The following NFIA variants were observed in gnomAD, a reference collection of about 807,000 sequenced individuals.
The protein encoded by NFIA is nuclear factor I A.
NFIA carries 8 observed loss-of-function variants against 62.8 expected under a neutral mutation model. The ratio of observed to expected loss-of-function variants is 0.13; its 90% CI spans 0.07 to 0.23. The LOEUF is 0.23. NFIA is among the 10% of genes least tolerant of loss of function. NFIA has a pLI of 1.00. For synonymous variants in NFIA, 235 were observed against 238.1 expected (o/e 0.99, Z 0.12); for missense variants, 410 against 642.1 (o/e 0.64, Z 3.91).
At chr1:61,118,702 GTGTGTGTA>G (rs980003524) in intron 2 of NFIA, among the ~76,000 whole-genome samples, 1 of 94,742 alleles carries the variant, frequency 1.1e-5, no homozygotes, top group Non-Finnish European at 2.4e-5. Context: ...GTGTGTGTGT[GTGTGTGTA>G]CCAGAGACTG....
At chr1:61,327,349 C>G (rs570750848) in intron 3 of NFIA, among the ~76,000 whole-genome samples, 18 of 151,748 alleles carry the variant, frequency 1.2e-4, no homozygotes, top group Non-Finnish European at 2.5e-4. Context: ...CAGTGCATCC[C>G]TCACCCAAGT....
chr1:61,309,124 C>T (rs763282523), intron 3 of NFIA, among the ~76,000 whole-genome samples: 1 of 152,164 alleles, frequency 6.6e-6, no homozygotes, highest in Non-Finnish European at 1.5e-5. Context: ...TCCAATTTTC[C>T]TTACAAAGCC....
chr1:61,408,193 A>G (rs889946318), intron 9 of NFIA, among the ~76,000 whole-genome samples: 1 of 152,174 alleles, frequency 6.6e-6, no homozygotes, highest in East Asian at 1.9e-4. Context: ...GGGAAGACCT[A>G]CTTCTCTTGG....
At chr1:61,340,904 AT>A (rs950723128) in intron 4 of NFIA, among the ~76,000 whole-genome samples, 1 of 151,690 alleles carries the variant, frequency 6.6e-6, no homozygotes, top group African/African-American at 2.4e-5. Context: ...TTTTCCTCAA[AT>A]TTTCAGCCAG....
intron 10 of NFIA, among the ~76,000 whole-genome samples, chr1:61,451,302 C>T (rs931682723): frequency 6.6e-6 from 1 of 152,142 alleles, no homozygotes; most frequent in Non-Finnish European, 1.5e-5. Flanking sequence ...GGGAAAAAGT[C>T]GTGCTGCAAT....
At position 61,282,957 on chromosome 1, in the gene NFIA, C is replaced by T. The variant is rs532489517; in HGVS notation, c.625+5372C>T. On this transcript the variant is annotated intron_variant, in intron 3 of 10. Transcript: ENST00000403491. ...CACATATGTTGGTGGCATCAACCCT[C>T]AGATGGGTCTTTGCAATCAGTGGAA... Among the ~76,000 whole-genome samples, 20 of 152,316 alleles carry T rather than the reference C, an allele frequency of 1.3e-4. No individual in the cohort carries two copies. The East Asian group carries it at 3.7e-3, about 28-fold the overall frequency.
intron 3 of NFIA, among the ~76,000 whole-genome samples, chr1:61,288,855 C>T (rs951405450): frequency 6.6e-6 from 1 of 152,164 alleles, no homozygotes; most frequent in Non-Finnish European, 1.5e-5. Flanking sequence ...GCAGCCTCAA[C>T]CTCCCAGGCT....
At chr1:61,414,656 A>T (rs1666273490) in intron 9 of NFIA, among the ~76,000 whole-genome samples, 1 of 152,072 alleles carries the variant, frequency 6.6e-6, no homozygotes, top group Admixed American at 6.5e-5. Flanking sequence ...ATTAGCAGGT[A>T]AAGGAAGAGA....
chr1:61,111,013 G>T (rs1313868465), intron 2 of NFIA, among the ~76,000 whole-genome samples: 1 of 152,020 alleles, frequency 6.6e-6, no homozygotes. Context: ...AAAATAAGTA[G>T]AGGCTCTCTG....
chr1:61,368,273 C>G (rs1459163074), intron 6 of NFIA, among the ~76,000 whole-genome samples: 1 of 152,156 alleles, frequency 6.6e-6, no homozygotes, highest in East Asian at 1.9e-4. Context: ...CTGTCACCAT[C>G]CTCAGTACAG....
chr1:61,224,477 C>G (rs2100621669), intron 2 of NFIA, among the ~76,000 whole-genome samples: 1 of 152,130 alleles, frequency 6.6e-6, no homozygotes, highest in East Asian at 1.9e-4. Context: ...TCATGCAACC[C>G]CCATTAACCT....
At chr1:61,168,270 G>A (rs1376299275) in intron 2 of NFIA, among the ~76,000 whole-genome samples, 1 of 152,128 alleles carries the variant, frequency 6.6e-6, no homozygotes, top group Non-Finnish European at 1.5e-5. Context: ...GGAAGTGCAA[G>A]CATTGACTTA....
At chr1:61,169,448 T>C (rs1331142056) in intron 2 of NFIA, among the ~76,000 whole-genome samples, 2 of 152,224 alleles carry the variant, frequency 1.3e-5, no homozygotes, top group Non-Finnish European at 2.9e-5. Context: ...TGTCATTCAA[T>C]CTGCATTTAA....
At chr1:61,200,880 C>T (rs1464365922) in intron 2 of NFIA, among the ~76,000 whole-genome samples, 1 of 152,174 alleles carries the variant, frequency 6.6e-6, no homozygotes, top group Non-Finnish European at 1.5e-5. Flanking sequence ...TAAGTGGCTT[C>T]TGTTATGGCT....
At chr1:61,294,788 G>A (rs1309659661) in intron 3 of NFIA, among the ~76,000 whole-genome samples, 1 of 152,208 alleles carries the variant, frequency 6.6e-6, no homozygotes, top group Non-Finnish European at 1.5e-5. Flanking sequence ...GTCTGGTGCA[G>A]TGTGTGCAGT....
chr1:61,184,125 CAAA>C (rs71050114), intron 2 of NFIA, among the ~76,000 whole-genome samples: 76 of 94,914 alleles, frequency 8.0e-4, no homozygotes, highest in Non-Finnish European at 1.4e-3. Context: ...GAAAAAAAAC[CAAA>C]AAAAAAAAAA....
intron 4 of NFIA, among the ~76,000 whole-genome samples, chr1:61,334,470 A>G (rs1661474970): frequency 6.7e-6 from 1 of 149,834 alleles, no homozygotes; most frequent in African/African-American, 2.5e-5. Context: ...CACAATAAAT[A>G]TCTCACATTT....
Position 61,326,071 on chromosome 1 carries a change from G to C in NFIA, c.626-6441G>C, listed in dbSNP as rs754697781. 4.7e-4 allele frequency among the ~76,000 whole-genome samples: 71 copies of C among 152,260 alleles called. No individual in the cohort carries two copies. The Middle Eastern group carries it at 0.014, about 29-fold the overall frequency. On this transcript the variant is annotated intron_variant, in intron 3 of 10. Transcript: ENST00000403491. ...GCCTTGGGAGGCAAGTTGCTGGTAGGGAAAAGGGATGAAATTGTTATTTTT... is the reference window on the plus strand; with the variant it reads ...GCCTTGGGAGGCAAGTTGCTGGTAGCGAAAAGGGATGAAATTGTTATTTTT...
chr1:61,235,463 A>AAAAT (rs200048964), intron 2 of NFIA, among the ~76,000 whole-genome samples: 14,544 of 121,428 alleles, frequency 0.12, 995 homozygotes, highest in East Asian at 0.35. Flanking sequence ...ACTCCATCTC[A>AAAAT]AAATAAATAA....
Sources: gnomAD v4.1 joint callset for allele counts (sites outside exome capture counted in the v4.1 genomes callset) on GRCh38, gnomAD v4.1.1 for gene constraint, MANE v1.5 for transcripts, NCBI Gene and HGNC (gene_info 2026-07-23, HGNC 2026-07-21) for gene names.